SLC22A24: variants seen among roughly 807,000 people sequenced by gnomAD.
SLC22A24 encodes the protein steroid transmembrane transporter SLC22A24.
Under a neutral mutation model 49.8 loss-of-function variants are expected in SLC22A24, and 53 were observed. The ratio of observed to expected loss-of-function variants is 1.06; its 90% CI spans 0.85 to 1.34. The LOEUF (loss-of-function observed/expected upper bound fraction) is 1.34. SLC22A24 is among the 40% of genes most tolerant of loss of function. The pLI, the probability that SLC22A24 is intolerant of heterozygous loss-of-function variation, is 0.00. For missense variants in SLC22A24, 786 were observed against 675.9 expected, an observed-to-expected ratio of 1.16 and a Z score of -1.81; for synonymous variants, 302 against 256.4, an observed-to-expected ratio of 1.18 and a Z score of -1.70.
intron 2 of SLC22A24, among the ~76,000 whole-genome samples, chr11:63,124,089 G>A (rs537123136): frequency 6.6e-6 from 1 of 152,182 alleles, no homozygotes; most frequent in East Asian, 1.9e-4. Context: ...GCAGAAAAAA[G>A]AATATTATGG....
chr11:63,126,810 T>C (rs1299010029), intron 2 of SLC22A24, among the ~76,000 whole-genome samples: 1 of 152,148 alleles, frequency 6.6e-6, no homozygotes, highest in Non-Finnish European at 1.5e-5. Context: ...GTTTTTCCAT[T>C]TGTTGGTGTC....
At chr11:63,107,315 T>A (rs1268778225) in intron 4 of SLC22A24, among the ~76,000 whole-genome samples, 1 of 152,364 alleles carries the variant, frequency 6.6e-6, no homozygotes, top group East Asian at 1.9e-4. Context: ...ACCAGTACCA[T>A]GCTGTTTTGG....
At position 63,099,371 on chromosome 11, in the gene SLC22A24, A is replaced by ATTTTTTTTTTTTTTTTTTT. The variant is rs56708217; in HGVS notation, c.955-3284_955-3266dup. Among the ~76,000 whole-genome samples, 100 of 52,334 alleles carry ATTTTTTTTTTTTTTTTTTT rather than the reference A, an allele frequency of 1.9e-3. 12 individuals are homozygous for ATTTTTTTTTTTTTTTTTTT. The highest frequency in any genetic ancestry group is 3.1e-3 in the Admixed American group (8 of 2,600). 34.3% of individuals were successfully genotyped at this position (52,334 alleles called of 152,430 possible). On this transcript the variant is annotated intron_variant, in intron 5 of 9. Coordinates refer to ENST00000612278, the MANE Select transcript of SLC22A24 (RefSeq NM_001136506.2). ...CCACCACACCTGGCTAATTTTTAAG[A>ATTTTTTTTTTTTTTTTTTT]TTTTTTTTTTTTTTTTTTTTTTTTT...
chr11:63,116,192 G>A (rs185862944), intron 4 of SLC22A24: 4 of 380,588 alleles, frequency 1.1e-5, no homozygotes, highest in South Asian at 6.8e-5. Flanking sequence ...CCTTCTTGAT[G>A]TGCTTCTTGG....
Position 63,143,816 on chromosome 11 carries a change from T to G in SLC22A24, c.-37A>C. The G allele has an allele frequency of 7.5e-7, 1 of 1,326,598 alleles. No individual in the cohort carries two copies. The highest frequency in any genetic ancestry group is 9.7e-7 in the Non-Finnish European group (1 of 1,034,086). 82.2% of individuals were successfully genotyped at this position (1,326,598 alleles called of 1,614,324 possible). ...AGGTGATCCCCAAGAGGAAGCACAA[T>G]GACTTTATGAAGAGAAGTTCAGAGG... On this transcript the variant is annotated 5_prime_UTR_variant, in exon 1 of 10. Transcript: ENST00000612278.
At chr11:63,137,621 A>G (rs2087384771) in intron 1 of SLC22A24, among the ~76,000 whole-genome samples, 2 of 152,216 alleles carry the variant, frequency 1.3e-5, no homozygotes, top group African/African-American at 4.8e-5. Flanking sequence ...GAATGAGGTG[A>G]CTAATGTCTG....
intron 2 of SLC22A24, among the ~76,000 whole-genome samples, chr11:63,131,690 C>A (rs1404864335): frequency 1.3e-5 from 2 of 152,184 alleles, no homozygotes; most frequent in Non-Finnish European, 2.9e-5. Flanking sequence ...ACCCCACCTT[C>A]ATCTCTGGCT....
chr11:63,138,291 T>C (rs1435048565), intron 1 of SLC22A24, among the ~76,000 whole-genome samples: 1 of 151,274 alleles, frequency 6.6e-6, no homozygotes, highest in African/African-American at 2.4e-5. Context: ...AATTTTGGGG[T>C]TCATGTCATA....
chr11:63,109,062 G>A (rs534113133), intron 4 of SLC22A24, among the ~76,000 whole-genome samples: 55 of 144,510 alleles, frequency 3.8e-4, no homozygotes, highest in Admixed American at 1.4e-3. Context: ...TGTTCTCATT[G>A]TTCAGTTCCC....
intron 5 of SLC22A24, among the ~76,000 whole-genome samples, chr11:63,098,281 T>A (rs1048077120): frequency 5.3e-5 from 8 of 152,222 alleles, no homozygotes; most frequent in Middle Eastern, 3.4e-3. Flanking sequence ...CAAATGAAAG[T>A]GGACACACAA....
chr11:63,083,270 T>C lies in SLC22A24; in HGVS notation c.1258A>G (p.Ile420Val). 6.4e-7 allele frequency: 1 copy of C among 1,558,806 alleles called. No individual in the cohort carries two copies. Among genetic ancestry groups the C allele is most frequent in the Non-Finnish European group, 8.7e-7 (1 of 1,150,326 alleles). Residue 420 changes from isoleucine (I) to valine (V), a missense_variant, in exon 7 of 10, where the codon ATT (isoleucine) becomes GTT (valine). Coordinates refer to ENST00000612278, the MANE Select transcript of SLC22A24 (RefSeq NM_001136506.2). ...ILFTFPVGLF[I>V]LVNTFLPQEM... ...TGGGGCAAAAAGGTGTTGACCAGAATGAAAAGTCCCACCGGGAACGTGAAC... is the reference window on the plus strand; with the variant it reads ...TGGGGCAAAAAGGTGTTGACCAGAACGAAAAGTCCCACCGGGAACGTGAAC...
At chr11:63,084,128 A>G (rs2086974584) in intron 6 of SLC22A24, among the ~76,000 whole-genome samples, 1 of 152,214 alleles carries the variant, frequency 6.6e-6, no homozygotes, top group African/African-American at 2.4e-5. Flanking sequence ...CTAACTCTGA[A>G]TGAATATCTA....
intron 2 of SLC22A24, among the ~76,000 whole-genome samples, chr11:63,126,710 C>G (rs4963371): frequency 0.72 from 109,004 of 152,124 alleles, 40,464 homozygotes; most frequent in East Asian, 0.9. Flanking sequence ...TCAGTGGTAG[C>G]TTGATGGGGA....
At chr11:63,090,716 G>T (rs1247491584) in intron 6 of SLC22A24, among the ~76,000 whole-genome samples, 1 of 121,164 alleles carries the variant, frequency 8.3e-6, no homozygotes, top group Admixed American at 8.4e-5. Flanking sequence ...AAAAAAAGAA[G>T]TTATTTGAAA....
At chr11:63,084,255 G>T (rs1409215868) in intron 6 of SLC22A24, among the ~76,000 whole-genome samples, 1 of 152,134 alleles carries the variant, frequency 6.6e-6, no homozygotes, top group African/African-American at 2.4e-5. Context: ...AGAGCTACAA[G>T]CAATGGGTTA....
chr11:63,132,045 A>G (rs2087339952), intron 2 of SLC22A24, among the ~76,000 whole-genome samples: 2 of 151,920 alleles, frequency 1.3e-5, no homozygotes, highest in Admixed American at 1.3e-4. Flanking sequence ...TCAATCATTG[A>G]TATCCATTCT....
intron 5 of SLC22A24, among the ~76,000 whole-genome samples, chr11:63,100,367 G>A (rs905871442): frequency 2.0e-5 from 3 of 151,980 alleles, no homozygotes; most frequent in Non-Finnish European, 4.4e-5. Flanking sequence ...TCAAAGAAGT[G>A]AAAGAGCTCT....
Position 63,104,243 on chromosome 11 carries a change from A to C in SLC22A24, c.886T>G (p.Leu296Val). 1 of 1,550,846 alleles carries C rather than the reference A, an allele frequency of 6.4e-7. No homozygotes were observed. Among genetic ancestry groups the C allele is most frequent in the South Asian group, 1.2e-5 (1 of 84,044 alleles). Reference sequence around the variant, plus strand: ...TGTGCAACTCTTCTAAGCTCCTTTAAGCCCTCATCTAGCTGATTGTTGATA... The same window carrying C: ...TGTGCAACTCTTCTAAGCTCCTTTACGCCCTCATCTAGCTGATTGTTGATA... Reference protein sequence around the residue: ...LIINNQLDEGLKELRRVAHIN... With the variant: ...LIINNQLDEGVKELRRVAHIN... The change falls in exon 5 of 10, where the codon TTA (leucine) becomes GTA (valine). Residue 296 changes from leucine (L) to valine (V), a missense_variant. Leu to Val is a conservative substitution (Grantham distance 32, BLOSUM62 1). Coordinates refer to ENST00000612278, the MANE Select transcript of SLC22A24 (RefSeq NM_001136506.2).
chr11:63,100,269 G>A (rs549393226), intron 5 of SLC22A24, among the ~76,000 whole-genome samples: 1 of 152,154 alleles, frequency 6.6e-6, no homozygotes, highest in South Asian at 2.1e-4. Flanking sequence ...ATTTCTATAT[G>A]ACAACAGTGA....
Sources: gnomAD v4.1 joint callset for allele counts (sites outside exome capture counted in the v4.1 genomes callset) on GRCh38, gnomAD v4.1.1 for gene constraint, MANE v1.5 for transcripts, NCBI Gene and HGNC (gene_info 2026-07-23, HGNC 2026-07-21) for gene names.